AK5: variants seen among roughly 807,000 people sequenced by gnomAD.
AK5 encodes adenylate kinase isoenzyme 5.
A neutral mutation model predicts 69.5 loss-of-function variants in AK5; 27 were observed. The ratio of observed to expected loss-of-function variants is 0.39; its 90% confidence interval spans 0.29 to 0.54. The LOEUF is 0.54. Ranked by LOEUF, AK5 falls within the 20% of genes least tolerant of loss-of-function variation. The probability of loss-of-function intolerance (pLI) is 0.71; values close to 1 mark genes in which losing one functional copy is unlikely to be tolerated. For synonymous variants in AK5, 260 were observed against 244.4 expected, an observed-to-expected ratio of 1.06 and a Z score of -0.60; for missense variants, 531 against 700.4, an observed-to-expected ratio of 0.76 and a Z score of 2.73.
chr1:77,525,845 C>T (rs1658251131), intron 12 of AK5, among the ~76,000 whole-genome samples: 1 of 152,152 alleles, frequency 6.6e-6, no homozygotes, highest in South Asian at 2.1e-4. Flanking sequence ...CTTTTGATTA[C>T]TGTAGCTTAG....
chr1:77,436,871 A>C (rs1234514147), intron 8 of AK5, among the ~76,000 whole-genome samples: 5 of 152,126 alleles, frequency 3.3e-5, no homozygotes, highest in Non-Finnish European at 7.4e-5. Context: ...AGAACCATAA[A>C]GTTAAATACT....
intron 8 of AK5, among the ~76,000 whole-genome samples, chr1:77,424,365 A>C (rs1651049282): frequency 6.6e-6 from 1 of 152,130 alleles, no homozygotes; most frequent in Non-Finnish European, 1.5e-5. Context: ...AGCTCAAGCA[A>C]TCCTCTTGCC....
intron 10 of AK5, among the ~76,000 whole-genome samples, chr1:77,512,946 A>AGG (rs1657434372): frequency 6.6e-6 from 1 of 152,226 alleles, no homozygotes; most frequent in Non-Finnish European, 1.5e-5. Flanking sequence ...ATGAGGAGGG[A>AGG]GACCCTAAAG....
At chr1:77,431,699 A>C (rs1651648866) in intron 8 of AK5, among the ~76,000 whole-genome samples, 3 of 152,190 alleles carry the variant, frequency 2.0e-5, no homozygotes, top group African/African-American at 4.8e-5. Flanking sequence ...GTGTCATTCT[A>C]AATAACAGAG....
At chr1:77,435,004 T>C (rs910183739) in intron 8 of AK5, among the ~76,000 whole-genome samples, 2 of 152,182 alleles carry the variant, frequency 1.3e-5, no homozygotes, top group Non-Finnish European at 2.9e-5. Context: ...AATCAAGATA[T>C]ACTGGAGGGG....
At chr1:77,290,019 G>A (rs995440225) in intron 2 of AK5, among the ~76,000 whole-genome samples, 2 of 152,052 alleles carry the variant, frequency 1.3e-5, no homozygotes, top group African/African-American at 4.8e-5. Context: ...GAAAATGTAG[G>A]CTTAATTTTC....
At chr1:77,536,311 G>T (rs1658965574) in intron 13 of AK5, among the ~76,000 whole-genome samples, 1 of 152,212 alleles carries the variant, frequency 6.6e-6, no homozygotes, top group Non-Finnish European at 1.5e-5. Flanking sequence ...AAAATTAGCT[G>T]GGTATGGTGG....
chr1:77,531,794 G>A (rs908876166), intron 12 of AK5, among the ~76,000 whole-genome samples: 3 of 151,656 alleles, frequency 2.0e-5, no homozygotes, highest in Non-Finnish European at 4.4e-5. Context: ...ACTGGGCGCC[G>A]TGGAGCAGGG....
chr1:77,389,685 G>T (rs571605585), intron 6 of AK5, among the ~76,000 whole-genome samples: 1 of 152,098 alleles, frequency 6.6e-6, no homozygotes, highest in Non-Finnish European at 1.5e-5. Context: ...TTTAAGGCTG[G>T]GCACGATGGC....
intron 5 of AK5, among the ~76,000 whole-genome samples, chr1:77,298,433 A>C (rs1659136566): frequency 6.6e-6 from 1 of 152,042 alleles, no homozygotes; most frequent in African/African-American, 2.4e-5. Flanking sequence ...CATCTGTTTT[A>C]AAGGAAAATA....
intron 8 of AK5, among the ~76,000 whole-genome samples, chr1:77,462,427 A>T (rs559467212): frequency 3.1e-4 from 47 of 152,230 alleles, no homozygotes; most frequent in African/African-American, 1.1e-3. Context: ...AGCAATACAT[A>T]TTCATTTTAT....
chr1:77,338,906 A>G (rs773399726), intron 5 of AK5, among the ~76,000 whole-genome samples: 6 of 152,182 alleles, frequency 3.9e-5, no homozygotes, highest in Admixed American at 6.5e-5. Flanking sequence ...ACAGATAAGG[A>G]CATAGAGGTT....
In AK5 at chr1:77,395,611, C is replaced by G. The variant is rs185355696; in HGVS notation, c.892-15370C>G. On this transcript the variant is annotated intron_variant, in intron 6 of 13. Transcript: ENST00000354567. ...TCTTCAGAGCCTGTGCTCACTTTGT[C>G]TTTGAGTGAAGCTGCATCTTTGCAG... Among the ~76,000 whole-genome samples the G allele has an allele frequency of 9.2e-4, 140 of 152,278 alleles. 1 individual carries two copies. Among genetic ancestry groups the G allele is most frequent in the Non-Finnish European group, 1.3e-4 (9 of 68,026 alleles).
At chr1:77,443,712 TGTGTG>T in intron 8 of AK5, among the ~76,000 whole-genome samples, 2 of 151,594 alleles carry the variant, frequency 1.3e-5, no homozygotes, top group African/African-American at 4.9e-5. Context: ...TGTGTGTGTG[TGTGTG>T]TGTGTGTTCA....
intron 5 of AK5, among the ~76,000 whole-genome samples, chr1:77,307,135 AT>A (rs530060607): frequency 3.3e-5 from 5 of 150,420 alleles, no homozygotes; most frequent in Non-Finnish European, 5.9e-5. Context: ...TCTTCTACTA[AT>A]TTTTTTTGTT....
chr1:77,471,616 G>T (rs1397890698), intron 8 of AK5, among the ~76,000 whole-genome samples: 1 of 152,198 alleles, frequency 6.6e-6, no homozygotes, highest in Non-Finnish European at 1.5e-5. Flanking sequence ...CATAGAACTT[G>T]TGGGTCTTAA....
chr1:77,394,016 A>C (rs1371222847), intron 6 of AK5, among the ~76,000 whole-genome samples: 1 of 152,062 alleles, frequency 6.6e-6, no homozygotes, highest in Non-Finnish European at 1.5e-5. Context: ...GGAGTTCGAG[A>C]CCAGCCTGGC....
chr1:77,431,449 T>C (rs1339908858), intron 8 of AK5, among the ~76,000 whole-genome samples: 1 of 152,148 alleles, frequency 6.6e-6, no homozygotes, highest in Non-Finnish European at 1.5e-5. Context: ...CACACAGTGA[T>C]GGAATTTTAG....
chr1:77,432,961 C>T (rs1012347006), intron 8 of AK5, among the ~76,000 whole-genome samples: 1 of 152,182 alleles, frequency 6.6e-6, no homozygotes. Flanking sequence ...CTTCTCTTGG[C>T]TTGCAGTTTG....
Sources: allele counts gnomAD v4.1 joint callset (sites outside exome capture counted in the v4.1 genomes callset), GRCh38; gene constraint gnomAD v4.1.1; transcripts MANE v1.5; gene names NCBI Gene and HGNC (gene_info 2026-07-23, HGNC 2026-07-21).